MACROH2A1: variants seen among roughly 807,000 people sequenced by gnomAD.
The protein encoded by MACROH2A1 is core histone macro-H2A.1.
Under a neutral mutation model 31.6 loss-of-function variants are expected in MACROH2A1, and 2 were observed. The ratio of observed to expected loss-of-function variants is 0.06; its 90% CI spans 0.03 to 0.20. The LOEUF is 0.20. Ranked by LOEUF, MACROH2A1 falls within the 10% of genes least tolerant of loss-of-function variation. The pLI, the probability that MACROH2A1 is intolerant of heterozygous loss-of-function variation, is 1.00. For missense variants in MACROH2A1, 230 were observed against 474.0 expected, an observed-to-expected ratio of 0.49 and a Z score of 4.78; for synonymous variants, 169 against 189.6, an observed-to-expected ratio of 0.89 and a Z score of 0.89.
intron 2 of MACROH2A1, among the ~76,000 whole-genome samples, chr5:135,378,812 A>C (rs1054291351): frequency 2.0e-5 from 3 of 152,222 alleles, no homozygotes; most frequent in Admixed American, 1.3e-4. Flanking sequence ...TTTGGAACTT[A>C]ACTGTTCCAC....
At chr5:135,340,883 ATGTGGCCTG>A (rs1216800277) in intron 8 of MACROH2A1, among the ~76,000 whole-genome samples, 2 of 152,184 alleles carry the variant, frequency 1.3e-5, no homozygotes, top group Non-Finnish European at 2.9e-5. Flanking sequence ...TGCCTGGCAG[ATGTGGCCTG>A]GGTAGCTGTA....
intron 8 of MACROH2A1, among the ~76,000 whole-genome samples, chr5:135,337,623 G>GGT (rs1758991397): frequency 6.6e-6 from 1 of 152,252 alleles, no homozygotes; most frequent in Non-Finnish European, 1.5e-5. Context: ...AAACACAACA[G>GGT]TTTGATTCAG....
At position 135,345,958 on chromosome 5, in the gene MACROH2A1, C is replaced by CGG; in HGVS notation, c.778+9_778+10insCC. 6.5e-7 allele frequency: 1 copy of CGG among 1,540,000 alleles called. No individual in the cohort carries two copies. Among genetic ancestry groups the CGG allele is most frequent in the Non-Finnish European group, 9.0e-7 (1 of 1,112,390 alleles). ...ACAACCAGATAAGCACGGTGGCTTT[C>CGG]CCACCTCACCTCCAGCTACTTCCAA... is the stretch of plus-strand genomic sequence containing the variant. On this transcript the variant is annotated intron_variant, in intron 7 of 8. Transcript: ENST00000511689.
chr5:135,361,110 G>A (rs1196467541), intron 4 of MACROH2A1: 8 of 253,820 alleles, frequency 3.2e-5, no homozygotes, highest in East Asian at 2.4e-4. Context: ...AGAGAAGGAC[G>A]CATGTGGTGG....
rs199870634 is a variant in MACROH2A1, at chr5:135,360,453, T to A, written c.588+44A>T. 55 of 1,266,886 alleles carry A rather than the reference T, an allele frequency of 4.3e-5. No individual in the cohort carries two copies. In the African/African-American group the frequency reaches 6.9e-4, roughly 16 times the overall value. The allele number at this position is 1,266,886 out of a possible 1,614,324, so 78.5% of individuals were successfully genotyped here. A position where few individuals can be genotyped will look rare whatever the true frequency, so the allele number is the denominator to read the frequency against. On this transcript the variant is annotated intron_variant, in intron 5 of 8. Coordinates refer to ENST00000511689, the MANE Select transcript of MACROH2A1 (RefSeq NM_138610.3). ...AGTGGAAGTAGCCTGTGCCCACCTG[T>A]CCCTTGGGGCCCTCGAGTAGACTGA... is the stretch of plus-strand genomic sequence containing the variant.
chr5:135,359,306 C>G, intron 5 of MACROH2A1: 1 of 985,266 alleles, frequency 1.0e-6, no homozygotes, highest in Non-Finnish European at 1.2e-6. Flanking sequence ...AATACATTAC[C>G]CAAGGAATAT....
chr5:135,390,940 A>G (rs1262261973), intron 1 of MACROH2A1, among the ~76,000 whole-genome samples: 1 of 152,160 alleles, frequency 6.6e-6, no homozygotes, highest in Non-Finnish European at 1.5e-5. Context: ...CTGGCTCTGG[A>G]GTGATGTTAG....
chr5:135,337,863 G>A (rs1364894912), intron 8 of MACROH2A1: 1 of 833,550 alleles, frequency 1.2e-6, no homozygotes, highest in Non-Finnish European at 1.5e-6. Flanking sequence ...GGTTGTTGGT[G>A]GGTGAACATG....
At chr5:135,368,333 C>T (rs1763774778) in intron 4 of MACROH2A1, among the ~76,000 whole-genome samples, 1 of 152,200 alleles carries the variant, frequency 6.6e-6, no homozygotes, top group Admixed American at 6.5e-5. Flanking sequence ...GGTCACAGCT[C>T]CTTGAGCCTG....
intron 2 of MACROH2A1, among the ~76,000 whole-genome samples, chr5:135,388,301 G>A (rs1766702921): frequency 1.3e-5 from 2 of 152,158 alleles, no homozygotes; most frequent in Non-Finnish European, 1.5e-5. Context: ...TTAACTGAAT[G>A]AGCAAGCAGA....
At chr5:135,362,038 A>G (rs1404296529) in intron 4 of MACROH2A1, 1 of 152,200 alleles carries the variant, frequency 6.6e-6, no homozygotes, top group African/African-American at 2.4e-5. Context: ...GTGAAAGAGA[A>G]ACAGGTATAA....
chr5:135,335,338 G>C (rs1758469005), intron 8 of MACROH2A1, among the ~76,000 whole-genome samples, 197 bp from the exon 9 acceptor site: 1 of 152,260 alleles, frequency 6.6e-6, no homozygotes, highest in African/African-American at 2.4e-5. Context: ...AGACAACTGG[G>C]CAGAGAGCTG....
chr5:135,375,465 T>G (rs561681520), intron 2 of MACROH2A1, among the ~76,000 whole-genome samples: 155 of 152,342 alleles, frequency 1.0e-3, no homozygotes, highest in African/African-American at 3.4e-3. Context: ...TTAGGGTCCT[T>G]TTTCTTTTTT....
At chr5:135,349,581 G>C (rs1279993592) in intron 6 of MACROH2A1, among the ~76,000 whole-genome samples, 1 of 152,074 alleles carries the variant, frequency 6.6e-6, no homozygotes, top group Non-Finnish European at 1.5e-5. Flanking sequence ...GTGATGCCAA[G>C]CAGAGCCAGG....
At chr5:135,374,637 T>C (rs1764616701) in intron 2 of MACROH2A1, among the ~76,000 whole-genome samples, 1 of 152,212 alleles carries the variant, frequency 6.6e-6, no homozygotes. Flanking sequence ...TTGCACTCAA[T>C]TCATTTCATG....
intron 2 of MACROH2A1, among the ~76,000 whole-genome samples, chr5:135,377,941 A>T (rs1317238840): frequency 1.3e-5 from 2 of 152,160 alleles, no homozygotes; most frequent in African/African-American, 4.8e-5. Context: ...TGTCATAGAA[A>T]GGGAGGCCCC....
intron 4 of MACROH2A1, among the ~76,000 whole-genome samples, chr5:135,366,023 G>A (rs1763457978): frequency 1.3e-5 from 2 of 152,208 alleles, no homozygotes; most frequent in Admixed American, 1.3e-4. Context: ...CTGTTCCCAT[G>A]ACAGTGAATG....
intron 5 of MACROH2A1, chr5:135,355,609 G>A (rs900260579): frequency 1.9e-5 from 4 of 206,948 alleles, no homozygotes; most frequent in Non-Finnish European, 3.0e-5. Flanking sequence ...AATGGGAAGG[G>A]GAGAAGACAA....
rs541694628 is a variant in MACROH2A1, at chr5:135,346,959, A to T, written c.689-902T>A. The T allele has an allele frequency of 1.2e-4, 19 of 152,358 alleles. No homozygotes were observed. In the East Asian group the frequency reaches 1.7e-3, roughly 14 times the overall value. 9.4% of individuals were successfully genotyped at this position (152,358 alleles called of 1,614,324 possible). A position where few individuals can be genotyped will look rare whatever the true frequency, so the allele number is the denominator to read the frequency against. On this transcript the variant is annotated intron_variant, in intron 6 of 8. Transcript: ENST00000511689. ...GCAAGTGGCAATCAAAGTTAGCAAC[A>T]AGATCAGCCTTTCAAGTTTGGCCAG...
Sources: allele counts gnomAD v4.1 joint callset (sites outside exome capture counted in the v4.1 genomes callset), GRCh38; gene constraint gnomAD v4.1.1; transcripts MANE v1.5; gene names NCBI Gene and HGNC (gene_info 2026-07-23, HGNC 2026-07-21).